STK10: variants seen among roughly 807,000 people sequenced by gnomAD.
STK10 encodes serine/threonine-protein kinase 10.
In STK10, 78 loss-of-function variants were observed where a neutral mutation model predicts 113.8. The observed-to-expected ratio is 0.69, with a 90% CI of 0.57 to 0.83. The LOEUF is 0.83. Among genes scored for constraint, STK10 ranks in the 40% least tolerant of loss-of-function variants. STK10 has a pLI of 0.00. For synonymous variants in STK10, 465 were observed against 494.7 expected, an observed-to-expected ratio of 0.94 and a Z score of 0.80; for missense variants, 1,109 against 1,280.1, an observed-to-expected ratio of 0.87 and a Z score of 2.04.
chr5:172,054,799 C>A, intron 16 of STK10, 105 bp from the exon 17 acceptor site: 1 of 1,491,934 alleles, frequency 6.7e-7, no homozygotes, highest in South Asian at 1.2e-5. Flanking sequence ...GGGGACTGGT[C>A]TGTGCACAGC....
At chr5:172,094,069 C>A (rs775011912) in intron 8 of STK10, 109 bp from the exon 9 acceptor site, 11 of 870,836 alleles carry the variant, frequency 1.3e-5, no homozygotes, top group Non-Finnish European at 1.7e-5. Context: ...AGTGGGCCAG[C>A]GCCAAGAAAG....
chr5:172,060,905 C>T (rs960659450), intron 14 of STK10, among the ~76,000 whole-genome samples: 3 of 152,210 alleles, frequency 2.0e-5, no homozygotes, highest in Non-Finnish European at 4.4e-5. Flanking sequence ...CTGTTTCTTT[C>T]TTTTCTTCTC....
Position 172,054,581 on chromosome 5 carries a change from C to A in STK10, c.2640G>T (p.Leu880=). Residue 880 remains leucine (L), a synonymous_variant, in exon 17 of 19, where the codon CTG becomes CTT. Transcript: ENST00000176763. ...LAQCESNMSE[L]QQLQNEKCHL... is the part of the protein sequence containing the mutation. Reference sequence around the variant, plus strand: ...GGCAGGGCGGTACCTGCAGCTGCTGCAGCTCGCTCATGTTGCTCTCACACT... The same window carrying A: ...GGCAGGGCGGTACCTGCAGCTGCTGAAGCTCGCTCATGTTGCTCTCACACT... 1.2e-6 allele frequency: 2 copies of A among 1,606,888 alleles called. No individual in the cohort carries two copies. Among genetic ancestry groups the A allele is most frequent in the Non-Finnish European group, 1.7e-6 (2 of 1,179,566 alleles).
chr5:172,084,674 T>C (rs956624563), intron 10 of STK10, among the ~76,000 whole-genome samples: 24 of 151,968 alleles, frequency 1.6e-4, no homozygotes, highest in Non-Finnish European at 2.6e-4. Context: ...TTCTTTCTTT[T>C]TTTTTTTAAT....
intron 10 of STK10, 108 bp from the exon 11 acceptor site, chr5:172,083,192 AAGTC>A: frequency 6.9e-7 from 1 of 1,453,202 alleles, no homozygotes. Flanking sequence ...AAAATCACAC[AAGTC>A]TGGGGCACAG....
At chr5:172,097,286 C>T (rs1424983242) in intron 7 of STK10, among the ~76,000 whole-genome samples, 3 of 152,182 alleles carry the variant, frequency 2.0e-5, no homozygotes, top group African/African-American at 4.8e-5. Flanking sequence ...GTGATCCACC[C>T]GCCTCAGCCT....
chr5:172,086,175 C>T (rs959459162), intron 10 of STK10, among the ~76,000 whole-genome samples: 2 of 152,170 alleles, frequency 1.3e-5, no homozygotes, highest in African/African-American at 2.4e-5. Context: ...AAAGTGCCCA[C>T]GTGGCACATG....
chr5:172,045,843 C>A (rs1216460893), intron 18 of STK10, among the ~76,000 whole-genome samples: 1 of 151,980 alleles, frequency 6.6e-6, no homozygotes, highest in Non-Finnish European at 1.5e-5. Context: ...GCACCTGCCA[C>A]CATGACTGGC....
chr5:172,174,738 G>A (rs1295480533), intron 1 of STK10, among the ~76,000 whole-genome samples: 1 of 152,180 alleles, frequency 6.6e-6, no homozygotes, highest in African/African-American at 2.4e-5. Flanking sequence ...AGAATGAGGA[G>A]GAGCCAGCTG....
At chr5:172,176,071 C>T (rs902442419) in intron 1 of STK10, among the ~76,000 whole-genome samples, 2 of 152,222 alleles carry the variant, frequency 1.3e-5, no homozygotes, top group Non-Finnish European at 1.5e-5. Flanking sequence ...ATGACTTCTT[C>T]CAGTGTCCTA....
intron 2 of STK10, among the ~76,000 whole-genome samples, chr5:172,137,567 A>G (rs1038183509): frequency 6.6e-6 from 1 of 152,050 alleles, no homozygotes. Context: ...CTCAACATAT[A>G]TAAAGGTCAT....
chr5:172,146,025 T>C (rs1038537737), intron 2 of STK10, among the ~76,000 whole-genome samples: 4 of 152,220 alleles, frequency 2.6e-5, no homozygotes, highest in African/African-American at 9.6e-5. Flanking sequence ...ACACACACAC[T>C]GTGTGGCGTC....
chr5:172,112,416 C>CTTTTTTTT (rs1159424183), intron 4 of STK10, among the ~76,000 whole-genome samples: 2 of 103,072 alleles, frequency 1.9e-5, no homozygotes, highest in Non-Finnish European at 3.9e-5. Context: ...AGGGACCTTA[C>CTTTTTTTT]TTTTTTTTTT....
intron 7 of STK10, among the ~76,000 whole-genome samples, chr5:172,101,928 T>C (rs1581156586): frequency 1.4e-5 from 1 of 73,858 alleles, no homozygotes. Flanking sequence ...AGAGTGAGGC[T>C]GGAGTGTGGG....
intron 4 of STK10, among the ~76,000 whole-genome samples, chr5:172,115,802 G>T (rs988120894): frequency 2.0e-5 from 3 of 152,220 alleles, no homozygotes; most frequent in African/African-American, 7.2e-5. Context: ...ACACATATCA[G>T]ATGCTGGCTC....
chr5:172,052,911 C>G lies in STK10; in HGVS notation c.2766+18G>C, dbSNP rs1159592653. ...GAGCAGAGCCCGAGACTGAGCCCAC[C>G]AGCTCGGATAAAGTTACCTTCTTGC... On this transcript the variant is annotated intron_variant, in intron 18 of 18. Transcript: ENST00000176763. 6 of 1,612,324 alleles carry G rather than the reference C, an allele frequency of 3.7e-6. No homozygotes were observed. In the East Asian group the frequency reaches 1.1e-4, roughly 30 times the overall value.
intron 7 of STK10, among the ~76,000 whole-genome samples, chr5:172,097,414 G>A (rs1382986176): frequency 2.6e-5 from 4 of 152,176 alleles, no homozygotes; most frequent in South Asian, 2.1e-4. Flanking sequence ...TTCCATCACC[G>A]GGGAAGGCTC....
Position 172,105,799 on chromosome 5 carries a change from G to A in STK10, c.789-62C>T, listed in dbSNP as rs138744416. ...GCAAGAGCAGAGAGAAGCCCCCCAC[G>A]TCACAGACTCCACTGTCCCAATCAT... On this transcript the variant is annotated intron_variant, in intron 6 of 18. Coordinates refer to ENST00000176763, the MANE Select transcript of STK10 (RefSeq NM_005990.4). 1.4e-4 allele frequency: 208 copies of A among 1,440,840 alleles called. 1 individual carries two copies. The highest frequency in any genetic ancestry group is 2.1e-4 in the South Asian group (18 of 87,414). The allele number at this position is 1,440,840 out of a possible 1,614,324, so 89.3% of individuals were successfully genotyped here.
intron 15 of STK10, chr5:172,056,950 A>AAGGAAGGAAGGAAGGAAGGAAG (rs1554115535): frequency 1.1e-4 from 9 of 83,180 alleles, no homozygotes; most frequent in African/African-American, 4.6e-4. Context: ...AAAGAAAGAA[A>AAGGAAGGAAGGAAGGAAGGAAG]GAAGGAAAGA....
Sources: gnomAD v4.1 joint callset for allele counts (sites outside exome capture counted in the v4.1 genomes callset) on GRCh38, gnomAD v4.1.1 for gene constraint, MANE v1.5 for transcripts, NCBI Gene and HGNC (gene_info 2026-07-23, HGNC 2026-07-21) for gene names.